The following ADPGK variants were observed in gnomAD, a reference collection of about 807,000 sequenced individuals.
ADPGK encodes ADP dependent glucokinase.
In ADPGK, 26 loss-of-function variants were observed where a neutral mutation model predicts 42.4. The ratio of observed to expected loss-of-function variants is 0.61; its 90% CI spans 0.45 to 0.85. The LOEUF (loss-of-function observed/expected upper bound fraction) is 0.85, where lower values mean the gene tolerates loss of function less well. Ranked by LOEUF, ADPGK falls within the 40% of genes least tolerant of loss-of-function variation. The pLI, the probability that ADPGK is intolerant of heterozygous loss-of-function variation, is 0.00. For synonymous variants in ADPGK, 267 were observed against 252.6 expected (o/e 1.06, Z -0.54); for missense variants, 571 against 627.0 (o/e 0.91, Z 0.95).
intron 1 of ADPGK, 183 bp downstream of exon 1, chr15:72,783,276 G>C (rs900263207): frequency 1.6e-6 from 2 of 1,250,668 alleles, no homozygotes; most frequent in African/African-American, 1.6e-5. Context: ...GAGGCCAGCC[G>C]AGTGGAAAGA....
intron 3 of ADPGK, among the ~76,000 whole-genome samples, chr15:72,770,513 G>A (rs1335327335): frequency 1.3e-5 from 2 of 152,144 alleles, no homozygotes; most frequent in East Asian, 1.9e-4. Context: ...TGATGGGAAT[G>A]GCCTGGGCTC....
At chr15:72,779,176 G>T (rs2066425495) in intron 1 of ADPGK, among the ~76,000 whole-genome samples, 2 of 149,900 alleles carry the variant, frequency 1.3e-5, no homozygotes, top group Admixed American at 6.6e-5. Flanking sequence ...ATACAGGGGA[G>T]AAGACCAAGA....
intron 1 of ADPGK, among the ~76,000 whole-genome samples, chr15:72,778,011 G>A (rs2066410608): frequency 6.6e-6 from 1 of 152,084 alleles, no homozygotes; most frequent in African/African-American, 2.4e-5. Flanking sequence ...CACTTTGGGA[G>A]GCCAAGGCGG....
intron 1 of ADPGK, among the ~76,000 whole-genome samples, chr15:72,776,936 T>C (rs980508110): frequency 2.6e-5 from 4 of 152,202 alleles, no homozygotes; most frequent in Non-Finnish European, 5.9e-5. Flanking sequence ...ATCTAGCTAC[T>C]GTATTTGGCC....
At chr15:72,781,311 C>CCCT (rs1446226181) in intron 1 of ADPGK, among the ~76,000 whole-genome samples, 1 of 152,174 alleles carries the variant, frequency 6.6e-6, no homozygotes, top group African/African-American at 2.4e-5. Context: ...CCATAAAAGG[C>CCCT]CCTTCACAAT....
chr15:72,759,875 A>G (rs1436832919), intron 4 of ADPGK, among the ~76,000 whole-genome samples: 1 of 152,228 alleles, frequency 6.6e-6, no homozygotes, highest in Non-Finnish European at 1.5e-5. Context: ...ATTTATTAAC[A>G]TTAGAACATC....
At chr15:72,759,771 T>C (rs978114501) in intron 4 of ADPGK, among the ~76,000 whole-genome samples, 2 of 152,190 alleles carry the variant, frequency 1.3e-5, no homozygotes, top group Non-Finnish European at 2.9e-5. Context: ...TCAAAGTATG[T>C]CCAAGTATTT....
At position 72,752,102 on chromosome 15, in the gene ADPGK, A is replaced by G. The variant is rs2066052700; in HGVS notation, c.*239T>C. On this transcript the variant is annotated 3_prime_UTR_variant, in exon 7 of 7. Transcript: ENST00000456471. ...CCTGATGGCGCTGCATAAACTGGGGATTTGGGAACTGAGTTTTTAGCTCTG... is the reference window on the plus strand; with the variant it reads ...CCTGATGGCGCTGCATAAACTGGGGGTTTGGGAACTGAGTTTTTAGCTCTG... The G allele has an allele frequency of 8.1e-6, 4 of 492,238 alleles. No individual in the cohort carries two copies. The South Asian group carries it at 1.2e-4, about 15-fold the overall frequency. 30.5% of individuals were successfully genotyped at this position (492,238 alleles called of 1,614,324 possible).
intron 3 of ADPGK, among the ~76,000 whole-genome samples, chr15:72,768,234 G>A (rs566290924): frequency 6.6e-6 from 1 of 151,552 alleles, no homozygotes; most frequent in South Asian, 2.1e-4. Flanking sequence ...GGAAAATCTG[G>A]ATTTCCCTAT....
intron 1 of ADPGK, among the ~76,000 whole-genome samples, chr15:72,778,748 C>T (rs2066419852): frequency 6.6e-6 from 1 of 152,146 alleles, no homozygotes; most frequent in African/African-American, 2.4e-5. Context: ...TTATGTGCAT[C>T]AGCTGTTATA....
intron 3 of ADPGK, among the ~76,000 whole-genome samples, chr15:72,769,888 C>T (rs1459867802): frequency 1.3e-5 from 2 of 152,270 alleles, no homozygotes; most frequent in East Asian, 3.9e-4. Flanking sequence ...AAAGACTTCC[C>T]TTATAGGGCC....
chr15:72,779,244 G>GGTT (rs2066426252), intron 1 of ADPGK, among the ~76,000 whole-genome samples: 1 of 107,220 alleles, frequency 9.3e-6, no homozygotes. Flanking sequence ...TAGCATGAGG[G>GGTT]TTTTTTTTTT....
In ADPGK at chr15:72,751,629, GC is replaced by G. The variant is rs1446879791; in HGVS notation, c.*711del. On this transcript the variant is annotated 3_prime_UTR_variant, in exon 7 of 7. Transcript: ENST00000456471. ...TGGCAGAAAGCACATCCAAAGCTAG[GC>G]AATGAAGTTCAGCCTGGGCCACGTG... 6.6e-6 allele frequency: 1 copy of G among 152,566 alleles called. No individual in the cohort carries two copies. Among genetic ancestry groups the G allele is most frequent in the Non-Finnish European group, 1.5e-5 (1 of 68,050 alleles). The allele number at this position is 152,566 out of a possible 1,614,324, so 9.5% of individuals were successfully genotyped here.
At chr15:72,760,635 A>C in intron 3 of ADPGK, 108 bp from the exon 4 acceptor site, 1 of 1,340,490 alleles carries the variant, frequency 7.5e-7, no homozygotes, top group Non-Finnish European at 9.8e-7. Context: ...CATTTCAACA[A>C]AATATTGGAA....
intron 3 of ADPGK, among the ~76,000 whole-genome samples, chr15:72,771,526 G>A (rs1156495180): frequency 6.6e-6 from 1 of 152,160 alleles, no homozygotes; most frequent in African/African-American, 2.4e-5. Flanking sequence ...TGGCAGTACC[G>A]ACTAGCCTTA....
intron 5 of ADPGK, 46 bp from the exon 6 acceptor site, chr15:72,755,700 G>T: frequency 7.0e-7 from 1 of 1,422,814 alleles, no homozygotes; most frequent in Non-Finnish European, 9.9e-7. Flanking sequence ...ATAGAAGGAA[G>T]TCAAGAAAGA....
Position 72,774,977 on chromosome 15 carries a change from G to A in ADPGK, c.354C>T (p.Ala118=). ...CTCCCTTCCCCATGAAGTGAATGAA[G>A]GCTTCTTCCAGATCATTCCTTGAAT... ...ILHSRNDLEE[A]FIHFMGKGAA... is the part of the protein sequence containing the mutation. Residue 118 remains alanine (A), a synonymous_variant, in exon 2 of 7, where the codon GCC becomes GCT. Coordinates refer to ENST00000456471, the MANE Select transcript of ADPGK (RefSeq NM_001365225.1). 6.2e-7 allele frequency: 1 copy of A among 1,613,930 alleles called. No individual in the cohort carries two copies. The highest frequency in any genetic ancestry group is 1.1e-5 in the South Asian group (1 of 91,070).
In ADPGK at chr15:72,783,304, G is replaced by T. The variant is rs958040031; in HGVS notation, c.233+155C>A. ...TGGAAAGAGCAGCGGTGACGAACCG[G>T]GTTCCACTCAGACGTCCGACACTTC... On this transcript the variant is annotated intron_variant, in intron 1 of 6. Transcript: ENST00000456471. 7.9e-6 allele frequency: 10 copies of T among 1,266,824 alleles called. No homozygotes were observed. In the African/African-American group the frequency reaches 1.2e-4, roughly 16 times the overall value. 78.5% of individuals were successfully genotyped at this position (1,266,824 alleles called of 1,614,324 possible).
rs35843053 is a variant in ADPGK at position 72,767,383 on chromosome 15, CA to C, written c.522+4399del. Among the ~76,000 whole-genome samples, 725 of 137,972 alleles carry C rather than the reference CA, an allele frequency of 5.3e-3. 9 individuals are homozygous for C. Among genetic ancestry groups the C allele is most frequent in the African/African-American group, 0.018 (655 of 36,424 alleles). 90.5% of individuals were successfully genotyped at this position (137,972 alleles called of 152,430 possible). A position where few individuals can be genotyped will look rare whatever the true frequency, so the allele number is the denominator to read the frequency against. On this transcript the variant is annotated intron_variant, in intron 3 of 6. Coordinates refer to ENST00000456471, the MANE Select transcript of ADPGK (RefSeq NM_001365225.1). ...CTTAATAACTGACAGATCAAATAGA[CA>C]AAAAAAAAAAAACCAATAAGAATAT...
Sources: gnomAD v4.1 joint callset for allele counts (sites outside exome capture counted in the v4.1 genomes callset) on GRCh38, gnomAD v4.1.1 for gene constraint, MANE v1.5 for transcripts, NCBI Gene and HGNC (gene_info 2026-07-23, HGNC 2026-07-21) for gene names.